The following SATB2 variants were observed in gnomAD, a reference collection of about 807,000 sequenced individuals.
The protein encoded by SATB2 is DNA-binding protein SATB2.
A neutral mutation model predicts 73.4 loss-of-function variants in SATB2; 1 was observed. The ratio of observed to expected loss-of-function variants is 0.01; its 90% CI spans 0.00 to 0.06. The LOEUF (loss-of-function observed/expected upper bound fraction) is 0.06, where lower values mean the gene tolerates loss of function less well. Among genes scored for constraint, SATB2 ranks in the 10% least tolerant of loss-of-function variants. The pLI is 1.00. For synonymous variants in SATB2, 397 were observed against 367.0 expected (o/e 1.08, Z -0.93); for missense variants, 459 against 945.8 (o/e 0.49, Z 6.75).
intron 10 of SATB2, among the ~76,000 whole-genome samples, chr2:199,276,232 A>T (rs1404517524): frequency 6.6e-6 from 1 of 152,158 alleles, no homozygotes; most frequent in Non-Finnish European, 1.5e-5. Flanking sequence ...CCTCCCATCT[A>T]AAGGACAGAA....
At chr2:199,347,153 T>C (rs1263572849) in intron 7 of SATB2, 4 of 152,218 alleles carry the variant, frequency 2.6e-5, no homozygotes, top group African/African-American at 7.2e-5. Flanking sequence ...ACTACAGACA[T>C]GAGCCACTGT....
intron 10 of SATB2, among the ~76,000 whole-genome samples, chr2:199,299,404 C>T (rs1242516433): frequency 6.6e-6 from 1 of 152,074 alleles, no homozygotes; most frequent in Non-Finnish European, 1.5e-5. Context: ...CACTGAGAGG[C>T]TTAACGTGTT....
At chr2:199,388,395 T>G (rs754899425) in intron 3 of SATB2, among the ~76,000 whole-genome samples, 11 of 152,164 alleles carry the variant, frequency 7.2e-5, no homozygotes, top group Non-Finnish European at 1.0e-4. Flanking sequence ...ACCTTAAATA[T>G]GAGAAATATT....
At chr2:199,385,163 CT>C (rs1429203931) in intron 3 of SATB2, among the ~76,000 whole-genome samples, 1 of 152,100 alleles carries the variant, frequency 6.6e-6, no homozygotes, top group East Asian at 1.9e-4. Flanking sequence ...GACACAGGGT[CT>C]GGCTCTGTCA....
At chr2:199,300,576 C>T (rs371304805) in intron 10 of SATB2, among the ~76,000 whole-genome samples, 15 of 151,818 alleles carry the variant, frequency 9.9e-5, no homozygotes, top group Non-Finnish European at 2.1e-4. Context: ...TTCTGAGCAC[C>T]GGGCTTGTAT....
chr2:199,325,693 C>A (rs577184870), intron 8 of SATB2, among the ~76,000 whole-genome samples: 1 of 152,256 alleles, frequency 6.6e-6, no homozygotes, highest in Admixed American at 6.5e-5. Context: ...AGCCTTCTCT[C>A]CAACCATGAG....
intron 6 of SATB2, among the ~76,000 whole-genome samples, chr2:199,366,513 T>C (rs988476921): frequency 1.3e-5 from 2 of 152,114 alleles, no homozygotes; most frequent in Non-Finnish European, 2.9e-5. Context: ...ATACCTGTCA[T>C]GAATTCTTTG....
intron 10 of SATB2, among the ~76,000 whole-genome samples, chr2:199,279,407 C>G (rs557161208): frequency 1.3e-4 from 20 of 152,146 alleles, no homozygotes; most frequent in Admixed American, 1.0e-3. Context: ...AAATATAATG[C>G]TTTTTGCCTG....
Position 199,380,426 on chromosome 2 carries a change from A to G in SATB2, c.535T>C (p.Leu179=), listed in dbSNP as rs760005968. 12 of 1,613,848 alleles carry G rather than the reference A, an allele frequency of 7.4e-6. No homozygotes were observed. Among genetic ancestry groups the G allele is most frequent in the Non-Finnish European group, 8.5e-7 (1 of 1,179,884 alleles). The part of the protein sequence containing the change: ...QWNHATVRNA[L]KELLKEMNQS... ...TTCATCTCTTTGAGCAGTTCCTTTA[A>G]GGCATTGCGGACTGTGGCATGGTTC... Residue 179 remains leucine, a synonymous_variant, in exon 5 of 11, where the codon TTA becomes CTA. Coordinates refer to ENST00000417098, the MANE Select transcript of SATB2 (RefSeq NM_001172509.2).
At chr2:199,386,714 GCGCACACACACA>G (rs1689967008) in intron 3 of SATB2, among the ~76,000 whole-genome samples, 656 of 22,482 alleles carry the variant, frequency 0.029, 6 homozygotes, top group South Asian at 0.032. Flanking sequence ...GCGCGCGCGC[GCGCACACACACA>G]CACACACACA....
chr2:199,394,675 C>T (rs1393830615), intron 3 of SATB2, among the ~76,000 whole-genome samples: 1 of 152,068 alleles, frequency 6.6e-6, no homozygotes, highest in Non-Finnish European at 1.5e-5. Context: ...GTGGCACGTA[C>T]CTGCAGTCCC....
At chr2:199,365,169 C>T (rs975975029) in intron 6 of SATB2, among the ~76,000 whole-genome samples, 35 of 151,944 alleles carry the variant, frequency 2.3e-4, no homozygotes, top group African/African-American at 7.0e-4. Flanking sequence ...TAACATTAAA[C>T]AACTATTAAT....
At chr2:199,453,779 G>C (rs1191592496) in intron 2 of SATB2, among the ~76,000 whole-genome samples, 1 of 151,848 alleles carries the variant, frequency 6.6e-6, no homozygotes, top group African/African-American at 2.4e-5. Context: ...ATATTCTAAA[G>C]TTGTCTAAAT....
chr2:199,458,593 G>C (rs557427747), upstream of SATB2: 1 of 430,606 alleles, frequency 2.3e-6, no homozygotes, highest in Admixed American at 2.5e-5. Flanking sequence ...CACTCGTCCC[G>C]GCGCGGAGGC....
At chr2:199,404,447 C>A (rs1199133473) in intron 3 of SATB2, among the ~76,000 whole-genome samples, 2 of 152,036 alleles carry the variant, frequency 1.3e-5, no homozygotes, top group Non-Finnish European at 2.9e-5. Flanking sequence ...TTTTAACATA[C>A]CACGGGGAAG....
At chr2:199,326,565 GA>G (rs1688034414) in intron 8 of SATB2, among the ~76,000 whole-genome samples, 2 of 152,048 alleles carry the variant, frequency 1.3e-5, no homozygotes, top group Non-Finnish European at 2.9e-5. Context: ...CAAATACACA[GA>G]CCTGTGTTAA....
intron 2 of SATB2, among the ~76,000 whole-genome samples, chr2:199,453,309 C>G: frequency 6.6e-6 from 1 of 151,994 alleles, no homozygotes; most frequent in East Asian, 1.9e-4. Context: ...CAAATATGTA[C>G]TCCCAAATTT....
chr2:199,407,351 C>A lies in SATB2; in HGVS notation c.347-25531G>T, dbSNP rs1690664994. Reference sequence around the variant, plus strand: ...AGAAACATAGAAAAGTTAAGTAACTCCCTGAGGTCAGATGCCCTAATAAGA... The same window carrying A: ...AGAAACATAGAAAAGTTAAGTAACTACCTGAGGTCAGATGCCCTAATAAGA... On this transcript the variant is annotated intron_variant, in intron 3 of 10. Coordinates refer to ENST00000417098, the MANE Select transcript of SATB2 (RefSeq NM_001172509.2). 3.3e-5 allele frequency among the ~76,000 whole-genome samples: 5 copies of A among 151,138 alleles called. No homozygotes were observed. The South Asian group carries it at 6.3e-4, about 19-fold the overall frequency.
At chr2:199,291,429 T>A (rs1692854526) in intron 10 of SATB2, among the ~76,000 whole-genome samples, 1 of 152,192 alleles carries the variant, frequency 6.6e-6, no homozygotes, top group Non-Finnish European at 1.5e-5. Flanking sequence ...ATATGAGCCA[T>A]TTCATTTATA....
Sources: gnomAD v4.1 joint callset for allele counts (sites outside exome capture counted in the v4.1 genomes callset) on GRCh38, gnomAD v4.1.1 for gene constraint, MANE v1.5 for transcripts, NCBI Gene and HGNC (gene_info 2026-07-23, HGNC 2026-07-21) for gene names.